Variants in SMG6 observed in about 807,000 individuals in gnomAD.
SMG6 encodes the protein SMG6 nonsense mediated mRNA decay factor.
A neutral mutation model predicts 142.2 loss-of-function variants in SMG6; 66 were observed. That is an observed-to-expected ratio of 0.46 (90% CI 0.38 to 0.57). The LOEUF (loss-of-function observed/expected upper bound fraction) is 0.57, where lower values mean the gene tolerates loss of function less well. Ranked by LOEUF, SMG6 falls within the 20% of genes least tolerant of loss-of-function variation. SMG6 has a pLI of 0.00. For synonymous variants in SMG6, 779 were observed against 702.4 expected, an observed-to-expected ratio of 1.11 and a Z score of -1.72; for missense variants, 1,793 against 1,832.0, an observed-to-expected ratio of 0.98 and a Z score of 0.39.
chr17:2,222,015 G>A lies in SMG6; in HGVS notation c.2869+14477C>T, dbSNP rs544325269. Among the ~76,000 whole-genome samples, 22 of 152,294 alleles carry A rather than the reference G, an allele frequency of 1.4e-4. No homozygotes were observed. The South Asian group carries it at 4.4e-3, about 30-fold the overall frequency. On this transcript the variant is annotated intron_variant, in intron 10 of 18. Coordinates refer to ENST00000263073, the MANE Select transcript of SMG6 (RefSeq NM_017575.5). ...CTCCCAAAGAGCTGGGATTACAGAC[G>A]TCGGCCACGGCACCTGGCCTCAAAT...
intron 10 of SMG6, among the ~76,000 whole-genome samples, chr17:2,212,398 T>A (rs1162480293): frequency 1.3e-5 from 2 of 152,198 alleles, no homozygotes; most frequent in African/African-American, 2.4e-5. Context: ...GATGGAGTTT[T>A]GTCTGGCAGT....
At chr17:2,203,375 G>GA (rs1448086519) in intron 10 of SMG6, among the ~76,000 whole-genome samples, 2 of 152,290 alleles carry the variant, frequency 1.3e-5, no homozygotes, top group African/African-American at 4.8e-5. Flanking sequence ...GGGCCCAGGA[G>GA]AACGAGGGCC....
At chr17:2,303,234 G>A in intron 1 of SMG6, 1 of 1,027,574 alleles carries the variant, frequency 9.7e-7, no homozygotes, top group Non-Finnish European at 1.2e-6. Context: ...CGACGTTAAA[G>A]CGGTGGCCGG....
chr17:2,133,369 C>A (rs1192992189), intron 13 of SMG6, among the ~76,000 whole-genome samples: 3 of 152,118 alleles, frequency 2.0e-5, no homozygotes, highest in African/African-American at 7.2e-5. Flanking sequence ...ATGTTTAATT[C>A]TTTGGAAAAA....
At chr17:2,147,151 G>C (rs9913789) in intron 13 of SMG6, among the ~76,000 whole-genome samples, 49,704 of 152,058 alleles carry the variant, frequency 0.33, 8,476 homozygotes, top group African/African-American at 0.42. Context: ...CCAGAACTTT[G>C]GGAGGCCGAG....
At chr17:2,167,223 C>T (rs1380673134) in intron 13 of SMG6, among the ~76,000 whole-genome samples, 2 of 131,754 alleles carry the variant, frequency 1.5e-5, no homozygotes, top group Non-Finnish European at 3.3e-5. Context: ...TGTAAGAGAA[C>T]AAATAATGCA....
At chr17:2,087,165 C>A (rs1368034589) in intron 13 of SMG6, 2 of 1,290,480 alleles carry the variant, frequency 1.5e-6, no homozygotes, top group South Asian at 2.5e-5. Flanking sequence ...TAAATCTCAT[C>A]GTTTTCGTAC....
intron 12 of SMG6, among the ~76,000 whole-genome samples, chr17:2,173,540 G>A (rs1241809378): frequency 1.3e-5 from 2 of 152,168 alleles, no homozygotes; most frequent in African/African-American, 2.4e-5. Context: ...TGTGGAAGGT[G>A]AGATACAGGG....
At position 2,299,758 on chromosome 17, in the gene SMG6, G is replaced by C. The variant is rs2151416475; in HGVS notation, c.995C>G (p.Ser332Cys). 6.2e-7 allele frequency: 1 copy of C among 1,614,166 alleles called. No homozygotes were observed. The highest frequency in any genetic ancestry group is 8.5e-7 in the Non-Finnish European group (1 of 1,180,034). Residue 332 changes from serine to cysteine, a missense_variant, in exon 2 of 19, where the codon TCT becomes TGT. This residue lies in a region of SMG6 where 1,597 missense variants were observed against 1,584.6 expected (regional missense o/e 1.01). Coordinates refer to ENST00000263073, the MANE Select transcript of SMG6 (RefSeq NM_017575.5). This position sits in a 1 kb window ranked among gnomAD's most constrained non-coding sequence, Gnocchi z 4.3. ...TTTCTGCTCACCCTCCCCACGGCCAGACCAGTTTCTTTCTAAATGTCTCTT... is the reference window on the plus strand; with the variant it reads ...TTTCTGCTCACCCTCCCCACGGCCACACCAGTTTCTTTCTAAATGTCTCTT... ...ERKRHLERNWSGRGEGEQKNS... is the reference protein window; with the variant it reads ...ERKRHLERNWCGRGEGEQKNS...
intron 6 of SMG6, among the ~76,000 whole-genome samples, chr17:2,288,388 G>T (rs1293616564): frequency 6.6e-6 from 1 of 152,002 alleles, no homozygotes; most frequent in African/African-American, 2.4e-5. Flanking sequence ...GGGAGGCTGA[G>T]GCAGGTGGCT....
At chr17:2,194,707 C>CAAAAAA (rs11415492) in intron 10 of SMG6, among the ~76,000 whole-genome samples, 54 of 139,868 alleles carry the variant, frequency 3.9e-4, no homozygotes, top group South Asian at 6.7e-4. Context: ...GAAAACAAAA[C>CAAAAAA]AAAACAAAAA....
intron 15 of SMG6, among the ~76,000 whole-genome samples, chr17:2,073,530 G>A (rs1379977464): frequency 4.0e-5 from 6 of 151,010 alleles, no homozygotes; most frequent in South Asian, 4.2e-4. Flanking sequence ...CCAACATCGC[G>A]GAACCCCGTC....
chr17:2,127,896 G>A, intron 13 of SMG6: 5 of 565,928 alleles, frequency 8.8e-6, no homozygotes, highest in South Asian at 2.8e-5. Flanking sequence ...CTTTGTAGAC[G>A]ATGTCCACGT....
intron 10 of SMG6, among the ~76,000 whole-genome samples, chr17:2,229,918 G>T: frequency 6.6e-6 from 1 of 151,998 alleles, no homozygotes; most frequent in Non-Finnish European, 1.5e-5. Flanking sequence ...AAGCGCAGTG[G>T]CTCATGCCTG....
At chr17:2,078,921 T>G (rs2068334098) in intron 15 of SMG6, among the ~76,000 whole-genome samples, 1 of 146,816 alleles carries the variant, frequency 6.8e-6, no homozygotes, top group East Asian at 1.9e-4. Flanking sequence ...CATTGGTGAT[T>G]GGTCAACTAT....
At chr17:2,256,830 T>G (rs769702823) in intron 8 of SMG6, among the ~76,000 whole-genome samples, 1 of 152,092 alleles carries the variant, frequency 6.6e-6, no homozygotes, top group Non-Finnish European at 1.5e-5. Context: ...CCAGGCAATA[T>G]ATACAAGAAA....
chr17:2,126,897 C>T (rs975624168), intron 13 of SMG6, among the ~76,000 whole-genome samples: 9 of 124,416 alleles, frequency 7.2e-5, no homozygotes, highest in Middle Eastern at 4.2e-3. Flanking sequence ...TACACACACA[C>T]GCACACACAT....
At chr17:2,251,513 A>G (rs1371154738) in intron 8 of SMG6, among the ~76,000 whole-genome samples, 1 of 152,212 alleles carries the variant, frequency 6.6e-6, no homozygotes, top group East Asian at 1.9e-4. Flanking sequence ...GTCCCACTTA[A>G]GATGGCTAGA....
chr17:2,066,848 C>T (rs952915215), intron 16 of SMG6, among the ~76,000 whole-genome samples: 1 of 152,252 alleles, frequency 6.6e-6, no homozygotes, highest in African/African-American at 2.4e-5. Context: ...TGCTTCCAAA[C>T]TAAACAGGCT....
Sources: gnomAD v4.1 joint callset for allele counts (sites outside exome capture counted in the v4.1 genomes callset) on GRCh38, gnomAD v4.1.1 for gene constraint, gnomAD v4.1.1 regional missense constraint, Gnocchi (gnomAD v3.1) non-coding constraint, MANE v1.5 for transcripts, NCBI Gene and HGNC (gene_info 2026-07-23, HGNC 2026-07-21) for gene names.